MYO5B: variants seen among roughly 807,000 people sequenced by gnomAD.
MYO5B encodes unconventional myosin-Vb.
In MYO5B, 143 loss-of-function variants were observed where a neutral mutation model predicts 229.3. The ratio of observed to expected loss-of-function variants is 0.62; its 90% CI spans 0.54 to 0.72. MYO5B has a LOEUF of 0.72. Ranked by LOEUF, MYO5B falls within the 30% of genes least tolerant of loss-of-function variation. The pLI, the probability that MYO5B is intolerant of heterozygous loss-of-function variation, is 0.00. For synonymous variants in MYO5B, 918 were observed against 885.2 expected (o/e 1.04, Z -0.66); for missense variants, 2,321 against 2,331.0 (o/e 1.00, Z 0.09).
intron 1 of MYO5B, among the ~76,000 whole-genome samples, chr18:50,079,225 T>C (rs1433361462): frequency 6.6e-6 from 1 of 152,224 alleles, no homozygotes; most frequent in East Asian, 1.9e-4. Context: ...AAATCTTACT[T>C]CAATAAAAAG....
At chr18:49,846,795 T>C (rs1027601845) in intron 33 of MYO5B, among the ~76,000 whole-genome samples, 9 of 152,078 alleles carry the variant, frequency 5.9e-5, no homozygotes, top group African/African-American at 1.9e-4. Context: ...GCTTCCATCA[T>C]TGCCAAAGCA....
intron 4 of MYO5B, among the ~76,000 whole-genome samples, chr18:50,033,638 G>A (rs1163983354): frequency 6.6e-6 from 1 of 152,140 alleles, no homozygotes; most frequent in African/African-American, 2.4e-5. Flanking sequence ...TGGGCCTTCT[G>A]GGTCTCAGAC....
intron 2 of MYO5B, among the ~76,000 whole-genome samples, chr18:50,054,909 G>C (rs1568088499): frequency 2.0e-5 from 3 of 152,130 alleles, no homozygotes; most frequent in Admixed American, 2.0e-4. Flanking sequence ...ACCCAGGCAG[G>C]CTGGCTCCAA....
chr18:49,923,360 C>A (rs1454747701), intron 17 of MYO5B, among the ~76,000 whole-genome samples: 1 of 152,098 alleles, frequency 6.6e-6, no homozygotes, highest in Non-Finnish European at 1.5e-5. Context: ...GCTAGATGCT[C>A]GGTGCAGGAT....
At chr18:49,933,664 A>G (rs1458337902) in intron 16 of MYO5B, among the ~76,000 whole-genome samples, 1 of 152,168 alleles carries the variant, frequency 6.6e-6, no homozygotes, top group African/African-American at 2.4e-5. Context: ...ATGCTTCTCA[A>G]CATCCTATGA....
rs750771947 is a variant in MYO5B at position 49,880,326 on chromosome 18, A to G, written c.3130+45T>C. 3.3e-6 allele frequency: 5 copies of G among 1,532,964 alleles called. No individual in the cohort carries two copies. In the African/African-American group the frequency reaches 5.5e-5, roughly 17 times the overall value. The allele number at this position is 1,532,964 out of a possible 1,614,324, so 95.0% of individuals were successfully genotyped here. A position where few individuals can be genotyped will look rare whatever the true frequency, so the allele number is the denominator to read the frequency against. ...GTCTTTGGGAGAAGTCAGTGAGGAA[A>G]AGAGATTAAAACCCCAAATAAAACT... On this transcript the variant is annotated intron_variant, in intron 23 of 39. Transcript: ENST00000285039.
chr18:50,070,225 T>A (rs941851792), intron 1 of MYO5B, among the ~76,000 whole-genome samples: 7 of 152,008 alleles, frequency 4.6e-5, no homozygotes, highest in Non-Finnish European at 7.4e-5. Context: ...GGTTTCACCA[T>A]GTTTACCAGG....
At chr18:50,129,166 T>C (rs1396418128) in intron 1 of MYO5B, among the ~76,000 whole-genome samples, 1 of 152,144 alleles carries the variant, frequency 6.6e-6, no homozygotes, top group Non-Finnish European at 1.5e-5. Flanking sequence ...GATGGAGGGC[T>C]GGGCCCAAGC....
At chr18:49,979,391 C>T (rs567226412) in intron 9 of MYO5B, among the ~76,000 whole-genome samples, 11 of 152,346 alleles carry the variant, frequency 7.2e-5, no homozygotes, top group African/African-American at 2.2e-4. Flanking sequence ...CAGGGGCCCT[C>T]TCAAACCCTA....
At chr18:49,849,491 G>C (rs1237928422) in intron 32 of MYO5B, 76 bp downstream of exon 32, 1 of 1,024,086 alleles carries the variant, frequency 9.8e-7, no homozygotes, top group African/African-American at 1.6e-5. Context: ...GCAGAGGGCA[G>C]GCAGACAGCT....
chr18:49,908,071 C>G (rs1309742817), intron 18 of MYO5B, among the ~76,000 whole-genome samples: 1 of 152,232 alleles, frequency 6.6e-6, no homozygotes, highest in Non-Finnish European at 1.5e-5. Context: ...CTGGGTCCTC[C>G]AGCTTAAGCA....
In MYO5B at chr18:50,194,990, C is replaced by T. The variant is rs1312056566; in HGVS notation, c.-197G>A. On this transcript the variant is annotated 5_prime_UTR_variant, in exon 1 of 40. Transcript: ENST00000285039. ...CCGGCGGCGCGACCTTTACTCCCGC[C>T]GCGGCGGCGCAGCTACGGCCGGACA... The T allele has an allele frequency of 7.0e-6, 5 of 713,078 alleles. No individual in the cohort carries two copies. The African/African-American group carries it at 9.4e-5, about 13-fold the overall frequency. The allele number at this position is 713,078 out of a possible 1,614,324, so 44.2% of individuals were successfully genotyped here. A position where few individuals can be genotyped will look rare whatever the true frequency, so the allele number is the denominator to read the frequency against.
In MYO5B at chr18:49,942,972, T is replaced by C. The variant is rs1169632210; in HGVS notation, c.1753-5575A>G. ...AAAGACTTGGAACCAACCCAAATGT[T>C]CAACAATGATAGACTGGATTAAGAA... On this transcript the variant is annotated intron_variant, in intron 14 of 39. Transcript: ENST00000285039. Among the ~76,000 whole-genome samples, 7 of 151,974 alleles carry C rather than the reference T, an allele frequency of 4.6e-5. No homozygotes were observed. In the East Asian group the frequency reaches 7.7e-4, roughly 17 times the overall value.
intron 1 of MYO5B, among the ~76,000 whole-genome samples, chr18:50,155,696 T>C (rs973570783): frequency 6.6e-6 from 1 of 152,182 alleles, no homozygotes; most frequent in African/African-American, 2.4e-5. Context: ...GCTAAGTGTG[T>C]TCAAGTAAGA....
intron 10 of MYO5B, among the ~76,000 whole-genome samples, chr18:49,967,962 C>T (rs774441794): frequency 1.3e-5 from 2 of 152,174 alleles, no homozygotes; most frequent in Admixed American, 6.5e-5. Context: ...TTGCCAAATG[C>T]TCCAATTCCC....
At chr18:50,043,288 ATAT>A (rs1361809433) in intron 2 of MYO5B, among the ~76,000 whole-genome samples, 1 of 103,566 alleles carries the variant, frequency 9.7e-6, no homozygotes, top group Non-Finnish European at 1.8e-5. Context: ...TTATATTTAT[ATAT>A]TATATATAAT....
chr18:49,826,421 T>G lies in MYO5B; in HGVS notation c.*50A>C. The G allele has an allele frequency of 6.2e-7, 1 of 1,603,326 alleles. No homozygotes were observed. Among genetic ancestry groups the G allele is most frequent in the Non-Finnish European group, 8.5e-7 (1 of 1,171,402 alleles). On this transcript the variant is annotated 3_prime_UTR_variant, in exon 40 of 40. Transcript: ENST00000285039. ...CTTGAATTTACTTTACTGTATATAC[T>G]TCCTTCTTGCTCACATTGGGAATCA...
intron 33 of MYO5B, among the ~76,000 whole-genome samples, chr18:49,843,808 C>T (rs1015355787): frequency 2.0e-5 from 3 of 152,214 alleles, no homozygotes. Context: ...TTCGTGGGCA[C>T]CACCACTTCC....
chr18:49,920,403 G>T (rs2025061419), intron 17 of MYO5B, among the ~76,000 whole-genome samples: 1 of 152,088 alleles, frequency 6.6e-6, no homozygotes, highest in African/African-American at 2.4e-5. Flanking sequence ...ACTCACGGAG[G>T]GGTTCCAGTG....
Sources: allele counts gnomAD v4.1 joint callset (sites outside exome capture counted in the v4.1 genomes callset), GRCh38; gene constraint gnomAD v4.1.1; transcripts MANE v1.5; gene names NCBI Gene and HGNC (gene_info 2026-07-23, HGNC 2026-07-21).